The following GRB10 variants were observed in gnomAD, a reference collection of about 807,000 sequenced individuals.
GRB10 encodes growth factor receptor-bound protein 10.
A neutral mutation model predicts 80.9 loss-of-function variants in GRB10; 20 were observed. That is an observed-to-expected ratio of 0.25 (90% CI 0.17 to 0.36). The LOEUF is 0.36. GRB10 is among the 10% of genes least tolerant of loss of function. The pLI is 1.00. For missense variants in GRB10, 548 were observed against 747.7 expected (o/e 0.73, Z 3.12); for synonymous variants, 291 against 291.5 (o/e 1.00, Z 0.02).
intron 7 of GRB10, among the ~76,000 whole-genome samples, chr7:50,635,961 CCTTTT>C (rs2054919173): frequency 9.6e-6 from 1 of 104,310 alleles, no homozygotes; most frequent in Admixed American, 1.1e-4. Context: ...TTTTTCCTTT[CCTTTT>C]TTTTTTTTTT....
intron 3 of GRB10, among the ~76,000 whole-genome samples, chr7:50,738,092 G>A (rs2071121906): frequency 6.6e-6 from 1 of 152,178 alleles, no homozygotes; most frequent in Admixed American, 6.5e-5. Flanking sequence ...TCATTAGGCT[G>A]ACTGATATAA....
intron 2 of GRB10, among the ~76,000 whole-genome samples, chr7:50,770,842 T>A (rs1385820764): frequency 6.6e-6 from 1 of 152,124 alleles, no homozygotes; most frequent in East Asian, 1.9e-4. Context: ...TCTTTTTACA[T>A]GGAGAAAAAA....
At chr7:50,709,500 T>C (rs574639713) in intron 4 of GRB10, among the ~76,000 whole-genome samples, 1 of 152,098 alleles carries the variant, frequency 6.6e-6, no homozygotes, top group Non-Finnish European at 1.5e-5. Flanking sequence ...CTCTCCTTGC[T>C]GGCCTCAGGC....
chr7:50,708,673 G>GTTTT (rs150250702), intron 4 of GRB10, among the ~76,000 whole-genome samples: 5 of 83,260 alleles, frequency 6.0e-5, no homozygotes, highest in African/African-American at 1.3e-4. Flanking sequence ...CTGTGAGTCT[G>GTTTT]TTTTTTTTTT....
rs559152886 is a variant in GRB10 at position 50,608,517 on chromosome 7, T to C, written c.1195-2103A>G. On this transcript the variant is annotated intron_variant, in intron 13 of 18. Transcript: ENST00000401949. ...TGCAAAGATGTAGGTGATTAAAGAG[T>C]ATATAAAACAATAACATTATGTCTT... Among the ~76,000 whole-genome samples the C allele has an allele frequency of 7.0e-4, 106 of 152,284 alleles. 1 individual carries two copies. Among genetic ancestry groups the C allele is most frequent in the African/African-American group, 2.5e-3 (102 of 41,550 alleles).
chr7:50,687,997 A>G (rs949037002), intron 5 of GRB10, among the ~76,000 whole-genome samples: 1 of 152,262 alleles, frequency 6.6e-6, no homozygotes, highest in Non-Finnish European at 1.5e-5. Flanking sequence ...AGAGTGGTTC[A>G]GATTGAGAAA....
At chr7:50,725,848 T>G (rs778442088) in intron 4 of GRB10, among the ~76,000 whole-genome samples, 3 of 152,096 alleles carry the variant, frequency 2.0e-5, no homozygotes, top group Non-Finnish European at 4.4e-5. Context: ...AAAAAGATAA[T>G]CAACTCTAGC....
At chr7:50,744,680 G>C (rs1269996653) in intron 3 of GRB10, among the ~76,000 whole-genome samples, 1 of 152,124 alleles carries the variant, frequency 6.6e-6, no homozygotes, top group African/African-American at 2.4e-5. Context: ...AAATACACAA[G>C]ACCCACGAGA....
intron 5 of GRB10, among the ~76,000 whole-genome samples, chr7:50,679,426 T>C (rs567047448): frequency 2.3e-4 from 35 of 152,336 alleles, no homozygotes; most frequent in Admixed American, 2.2e-3. Flanking sequence ...CCTTCACCAA[T>C]ACATTTCTTA....
intron 7 of GRB10, among the ~76,000 whole-genome samples, chr7:50,642,562 T>G (rs963514313): frequency 2.2e-4 from 34 of 151,964 alleles, no homozygotes; most frequent in African/African-American, 8.0e-4. Context: ...TCCAAAAAAC[T>G]CTAAAATCTG....
At chr7:50,613,302 G>T (rs112712127) in intron 12 of GRB10, among the ~76,000 whole-genome samples, 3 of 152,002 alleles carry the variant, frequency 2.0e-5, no homozygotes, top group Non-Finnish European at 4.4e-5. Flanking sequence ...AGCCAAGAGG[G>T]GCAACCCCTG....
intron 7 of GRB10, among the ~76,000 whole-genome samples, chr7:50,646,414 C>G (rs2057200011): frequency 6.6e-6 from 1 of 152,222 alleles, no homozygotes; most frequent in South Asian, 2.1e-4. Flanking sequence ...AGTGTCACCT[C>G]TGGAGAATGA....
intron 2 of GRB10, among the ~76,000 whole-genome samples, chr7:50,767,025 G>C (rs965930606): frequency 2.0e-5 from 3 of 152,206 alleles, no homozygotes; most frequent in African/African-American, 7.2e-5. Context: ...AGTAGCACAA[G>C]ATTGAAAACT....
At chr7:50,612,594 A>T in intron 13 of GRB10, 147 bp downstream of exon 13, 1 of 701,292 alleles carries the variant, frequency 1.4e-6, no homozygotes. Flanking sequence ...GTTTAGAAAG[A>T]TGCTTAACTA....
In GRB10 at chr7:50,638,869, A is replaced by G. The variant is rs562699292; in HGVS notation, c.505-11891T>C. On this transcript the variant is annotated intron_variant, in intron 7 of 18. Transcript: ENST00000401949. ...TGTCTATCAATGGTAGACTGGATTTAAAGAGTGGTAATATACACCACAGAA... is the reference window on the plus strand; with the variant it reads ...TGTCTATCAATGGTAGACTGGATTTGAAGAGTGGTAATATACACCACAGAA... 1.8e-4 allele frequency among the ~76,000 whole-genome samples: 25 copies of G among 139,234 alleles called. No individual in the cohort carries two copies. The South Asian group carries it at 5.7e-3, about 32-fold the overall frequency. The allele number at this position is 139,234 out of a possible 152,430, so 91.3% of individuals were successfully genotyped here. A position where few individuals can be genotyped will look rare whatever the true frequency, so the allele number is the denominator to read the frequency against.
intron 4 of GRB10, 33 bp from the exon 5 acceptor site, chr7:50,703,941 G>A (rs1358334101): frequency 6.8e-7 from 1 of 1,470,694 alleles, no homozygotes; most frequent in South Asian, 1.1e-5. Context: ...GAAAGGCTGT[G>A]AGTTCACAAG....
At chr7:50,785,470 C>T (rs543926800), upstream of GRB10, among the ~76,000 whole-genome samples, 5 of 152,362 alleles carry the variant, frequency 3.3e-5, no homozygotes, top group East Asian at 9.6e-4. Context: ...CACCCAGCAC[C>T]TGCAGGGATG....
At chr7:50,746,062 T>C (rs2072836987) in intron 3 of GRB10, among the ~76,000 whole-genome samples, 1 of 152,218 alleles carries the variant, frequency 6.6e-6, no homozygotes, top group African/African-American at 2.4e-5. Flanking sequence ...GAGAGTAGGA[T>C]GTGGCAGTGT....
chr7:50,709,530 G>C (rs1051615874), intron 4 of GRB10, among the ~76,000 whole-genome samples: 5 of 150,810 alleles, frequency 3.3e-5, no homozygotes, highest in African/African-American at 1.2e-4. Context: ...CAACTCAGCT[G>C]CTTTCTCCAG....
Sources: gnomAD v4.1 joint callset for allele counts (sites outside exome capture counted in the v4.1 genomes callset) on GRCh38, gnomAD v4.1.1 for gene constraint, MANE v1.5 for transcripts, NCBI Gene and HGNC (gene_info 2026-07-23, HGNC 2026-07-21) for gene names.